The following FYB1 variants were observed in gnomAD, a reference collection of about 807,000 sequenced individuals.
The protein encoded by FYB1 is FYN binding protein 1.
FYB1 carries 41 observed loss-of-function variants against 94.1 expected under a neutral mutation model. The observed-to-expected ratio is 0.44, with a 90% CI of 0.34 to 0.57. The LOEUF (loss-of-function observed/expected upper bound fraction) is 0.57. FYB1 is among the 20% of genes least tolerant of loss of function. FYB1 has a pLI of 0.02. For synonymous variants in FYB1, 367 were observed against 353.2 expected (o/e 1.04, Z -0.44); for missense variants, 1,050 against 976.8 (o/e 1.07, Z -1.00).
At chr5:39,107,818 T>A (rs1394919396) in intron 18 of FYB1, among the ~76,000 whole-genome samples, 2 of 152,068 alleles carry the variant, frequency 1.3e-5, no homozygotes, top group Non-Finnish European at 2.9e-5. Flanking sequence ...TGATCAACAC[T>A]GCATCATTTC....
intron 9 of FYB1, among the ~76,000 whole-genome samples, chr5:39,130,987 C>A (rs1319321943): frequency 1.3e-5 from 2 of 152,104 alleles, no homozygotes; most frequent in Non-Finnish European, 2.9e-5. Context: ...TCACATAGAG[C>A]AATTATTGTT....
At chr5:39,252,756 T>C (rs1167297045) in intron 1 of FYB1, among the ~76,000 whole-genome samples, 1 of 152,202 alleles carries the variant, frequency 6.6e-6, no homozygotes, top group Non-Finnish European at 1.5e-5. Context: ...AGTTTAGACA[T>C]AGGTTCTAGG....
At chr5:39,196,261 T>G (rs1302698008) in intron 2 of FYB1, among the ~76,000 whole-genome samples, 3 of 147,176 alleles carry the variant, frequency 2.0e-5, no homozygotes, top group African/African-American at 7.6e-5. Context: ...CAGGCTGGAG[T>G]GCAGTGGTGC....
intron 13 of FYB1, among the ~76,000 whole-genome samples, chr5:39,124,019 A>G (rs893215486): frequency 6.6e-6 from 1 of 152,282 alleles, no homozygotes; most frequent in East Asian, 1.9e-4. Flanking sequence ...CCCTAACCCA[A>G]TAGTGGCTCT....
intron 2 of FYB1, chr5:39,169,832 T>C: frequency 1.9e-6 from 1 of 527,584 alleles, no homozygotes; most frequent in Non-Finnish European, 3.6e-6. Flanking sequence ...ATGGTGGTTA[T>C]ACTGGGGTTC....
intron 1 of FYB1, among the ~76,000 whole-genome samples, chr5:39,237,894 T>C (rs1173226766): frequency 1.3e-5 from 2 of 152,138 alleles, no homozygotes; most frequent in Non-Finnish European, 2.9e-5. Flanking sequence ...ATTAATAGAT[T>C]CGTATGAACC....
At position 39,202,437 on chromosome 5, in the gene FYB1, C is replaced by A; in HGVS notation, c.524G>T (p.Gly175Val). 6.2e-7 allele frequency: 1 copy of A among 1,613,712 alleles called. No homozygotes were observed. Among genetic ancestry groups the A allele is most frequent in the Non-Finnish European group, 8.5e-7 (1 of 1,179,828 alleles). The change falls in exon 2 of 19, where the codon GGG (glycine) becomes GTG (valine). Residue 175 changes from glycine to valine, a missense_variant. Physicochemically the swap from Gly to Val is moderately radical, Grantham distance 109 (BLOSUM62 -3). Coordinates refer to ENST00000512982, the MANE Select transcript of FYB1 (RefSeq NM_001465.6). Reference sequence around the variant, plus strand: ...TGCTGACATAAATTTCCCTTTAACCCCAGTCAATTTGGGAAACGCTTGCTT... The same window carrying A: ...TGCTGACATAAATTTCCCTTTAACCACAGTCAATTTGGGAAACGCTTGCTT... ...EQKQAFPKLT[G>V]VKGKFMSASQ... is the part of the protein sequence containing the mutation.
intron 1 of FYB1, among the ~76,000 whole-genome samples, chr5:39,244,749 G>A (rs1403303081): frequency 2.6e-5 from 4 of 152,214 alleles, no homozygotes; most frequent in East Asian, 1.9e-4. Context: ...GGTAGAATTC[G>A]GCTGTGAATC....
At position 39,119,587 on chromosome 5, in the gene FYB1, T is replaced by A; in HGVS notation, c.2186A>T (p.Lys729Met). The A allele has an allele frequency of 1.3e-6, 2 of 1,551,206 alleles. No individual in the cohort carries two copies. Among genetic ancestry groups the A allele is most frequent in the Non-Finnish European group, 1.7e-6 (2 of 1,146,896 alleles). ...GKAKTEEKDL[K>M]KLKKQEKEEK... ...TTCTTTTTCCTGCTTTTTTAGCTTC[T>A]TAAGGTCCTTTTCTTCTGTCTTAGC... The change falls in exon 15 of 19, where the codon AAG becomes ATG. Residue 729 changes from lysine (K) to methionine (M), a missense_variant. Coordinates refer to ENST00000512982, the MANE Select transcript of FYB1 (RefSeq NM_001465.6).
chr5:39,124,309 C>T (rs765634388), intron 12 of FYB1, 31 bp from the exon 13 acceptor site: 46 of 1,502,656 alleles, frequency 3.1e-5, no homozygotes, highest in Non-Finnish European at 3.9e-5. Context: ...CAATTATAAT[C>T]AGACTAACAT....
In FYB1 at chr5:39,258,808, G is replaced by T. The variant is rs73749485; in HGVS notation, c.-28+15595C>A. Among the ~76,000 whole-genome samples, 711 of 152,256 alleles carry T rather than the reference G, an allele frequency of 4.7e-3. 9 individuals carry two copies. The highest frequency in any genetic ancestry group is 0.016 in the African/African-American group (661 of 41,542). On this transcript the variant is annotated intron_variant, in intron 1 of 1. Coordinates refer to the FYB1 transcript ENST00000510188. ...ATGTAAAGATAGCAACACTTAAAAA[G>T]AAGATAAATCTTTCTGTTTTGGAAA... is the stretch of plus-strand genomic sequence containing the variant.
chr5:39,166,370 A>C lies in FYB1; in HGVS notation c.1136-12766T>G, dbSNP rs557735673. On this transcript the variant is annotated intron_variant, in intron 2 of 18. Transcript: ENST00000512982. ...AGAATAGCTTGAACCCAGGAGGTGG[A>C]GGTTGTGGTGAGCCAAGATTGTGCC... Among the ~76,000 whole-genome samples the C allele has an allele frequency of 3.0e-3, 449 of 151,424 alleles. 2 individuals carry two copies. The highest frequency in any genetic ancestry group is 0.011 in the African/African-American group (441 of 41,308).
intron 1 of FYB1, among the ~76,000 whole-genome samples, chr5:39,247,071 CAT>C (rs3085950): frequency 0.19 from 12,650 of 64,916 alleles, 837 homozygotes; most frequent in Non-Finnish European, 0.24. Context: ...AATGCGTGTT[CAT>C]ATATATATAT....
At chr5:39,204,003 G>A (rs749134420) in intron 1 of FYB1, among the ~76,000 whole-genome samples, 29 of 152,120 alleles carry the variant, frequency 1.9e-4, no homozygotes, top group Non-Finnish European at 3.7e-4. Context: ...AATCACTGAA[G>A]TTAACCAATG....
chr5:39,200,487 AAGAAATAAG>A (rs1748213040), intron 2 of FYB1, among the ~76,000 whole-genome samples: 1 of 152,224 alleles, frequency 6.6e-6, no homozygotes, highest in Non-Finnish European at 1.5e-5. Flanking sequence ...ATCCGAGGTG[AAGAAATAAG>A]AGAAATAAGG....
In FYB1 at chr5:39,139,350, A is replaced by G. The variant is rs1741948656; in HGVS notation, c.1340-98T>C. On this transcript the variant is annotated intron_variant, in intron 4 of 18. Coordinates refer to ENST00000512982, the MANE Select transcript of FYB1 (RefSeq NM_001465.6). Reference sequence around the variant, plus strand: ...GATATAATAATATTCAAAATAGTTCATAATCTAACAGAACTTATGCTTTAT... The same window carrying G: ...GATATAATAATATTCAAAATAGTTCGTAATCTAACAGAACTTATGCTTTAT... 5.0e-6 allele frequency: 5 copies of G among 1,008,398 alleles called. No homozygotes were observed. The South Asian group carries it at 6.9e-5, about 14-fold the overall frequency. 62.5% of individuals were successfully genotyped at this position (1,008,398 alleles called of 1,614,324 possible). A position where few individuals can be genotyped will look rare whatever the true frequency, so the allele number is the denominator to read the frequency against.
intron 1 of FYB1, among the ~76,000 whole-genome samples, chr5:39,241,782 G>T (rs1751217364): frequency 6.6e-6 from 1 of 151,734 alleles, no homozygotes; most frequent in South Asian, 2.1e-4. Flanking sequence ...TTGGAAAGGA[G>T]CCTCATGGTT....
At chr5:39,207,257 T>C (rs1289488745) in intron 1 of FYB1, among the ~76,000 whole-genome samples, 1 of 152,246 alleles carries the variant, frequency 6.6e-6, no homozygotes, top group Admixed American at 6.5e-5. Flanking sequence ...ATCCATATAA[T>C]GCTTAGTCCA....
At chr5:39,139,523 C>G (rs1176606667) in intron 4 of FYB1, 1 of 210,894 alleles carries the variant, frequency 4.7e-6, no homozygotes, top group Non-Finnish European at 9.3e-6. Flanking sequence ...TGTTTATTAC[C>G]TTTATGAAAA....
Sources: gnomAD v4.1 joint callset for allele counts (sites outside exome capture counted in the v4.1 genomes callset) on GRCh38, gnomAD v4.1.1 for gene constraint, MANE v1.5 for transcripts, NCBI Gene and HGNC (gene_info 2026-07-23, HGNC 2026-07-21) for gene names.